Variants in CHRM3 observed in about 807,000 individuals in gnomAD.
CHRM3 encodes the protein cholinergic receptor muscarinic 3.
Under a neutral mutation model 41.8 loss-of-function variants are expected in CHRM3, and 11 were observed. The ratio of observed to expected loss-of-function variants is 0.26; its 90% CI spans 0.17 to 0.44. The LOEUF (loss-of-function observed/expected upper bound fraction) is 0.44. Ranked by LOEUF, CHRM3 falls within the 20% of genes least tolerant of loss-of-function variation. CHRM3 has a pLI of 1.00. For synonymous variants in CHRM3, 297 were observed against 301.4 expected (o/e 0.99, Z 0.15); for missense variants, 571 against 745.4 (o/e 0.77, Z 2.72).
intron 3 of CHRM3, among the ~76,000 whole-genome samples, chr1:239,566,315 C>T (rs553668075): frequency 2.0e-5 from 3 of 152,232 alleles, no homozygotes; most frequent in South Asian, 4.1e-4. Flanking sequence ...TCTGTTATTA[C>T]GTTAACCAGT....
intron 6 of CHRM3, among the ~76,000 whole-genome samples, chr1:239,890,121 G>C (rs1223996388): frequency 1.3e-5 from 2 of 152,066 alleles, no homozygotes; most frequent in Admixed American, 1.3e-4. Context: ...GACCAACATG[G>C]AGAAACCCCG....
At chr1:239,522,439 A>G (rs1173635425) in intron 2 of CHRM3, among the ~76,000 whole-genome samples, 1 of 152,250 alleles carries the variant, frequency 6.6e-6, no homozygotes. Context: ...CTACAACTGC[A>G]TGAAAGACCT....
At chr1:239,838,772 A>G (rs1673540949) in intron 6 of CHRM3, among the ~76,000 whole-genome samples, 2 of 152,312 alleles carry the variant, frequency 1.3e-5, no homozygotes, top group South Asian at 4.1e-4. Context: ...GTAAAATGTT[A>G]TGGACCCTTT....
At chr1:239,401,496 CT>C (rs1028998993) in intron 1 of CHRM3, among the ~76,000 whole-genome samples, 10 of 148,722 alleles carry the variant, frequency 6.7e-5, no homozygotes, top group South Asian at 4.3e-4. Flanking sequence ...CTCTTTTTTC[CT>C]TTTTTTTTTC....
chr1:239,772,154 T>TC (rs940063864), intron 5 of CHRM3, among the ~76,000 whole-genome samples: 90 of 152,234 alleles, frequency 5.9e-4, no homozygotes, highest in African/African-American at 2.1e-3. Flanking sequence ...TATATACTTT[T>TC]CTTTTTTTTT....
chr1:239,784,415 T>C (rs1160407852), intron 5 of CHRM3, among the ~76,000 whole-genome samples: 4 of 152,228 alleles, frequency 2.6e-5, no homozygotes, highest in Non-Finnish European at 1.5e-5. Flanking sequence ...TTTTCTATTT[T>C]TATTTTTTAG....
chr1:239,681,356 G>T (rs1367330356), intron 5 of CHRM3, among the ~76,000 whole-genome samples: 2 of 152,242 alleles, frequency 1.3e-5, no homozygotes, highest in Middle Eastern at 3.4e-3. Context: ...TTTTAATTGG[G>T]ATTTATAAAG....
At position 239,600,646 on chromosome 1, in the gene CHRM3, G is replaced by T. The variant is rs146051708; in HGVS notation, c.-312-31578G>T. Among the ~76,000 whole-genome samples the T allele has an allele frequency of 2.7e-3, 412 of 151,910 alleles. 2 individuals are homozygous for T. Among genetic ancestry groups the T allele is most frequent in the Non-Finnish European group, 4.4e-3 (301 of 67,920 alleles). ...TGCAACAACCTATAAATATATCAAA[G>T]AAGTATTTATCTCCCTCCTTCCCTC... On this transcript the variant is annotated intron_variant, in intron 3 of 6. Transcript: ENST00000676153.
intron 1 of CHRM3, among the ~76,000 whole-genome samples, chr1:239,431,153 A>C (rs1662803785): frequency 6.6e-6 from 1 of 152,154 alleles, no homozygotes; most frequent in Non-Finnish European, 1.5e-5. Context: ...TGAAATATTT[A>C]TAGGTACCTA....
intron 5 of CHRM3, among the ~76,000 whole-genome samples, chr1:239,808,920 G>A (rs1455731586): frequency 6.6e-6 from 1 of 151,946 alleles, no homozygotes; most frequent in Non-Finnish European, 1.5e-5. Context: ...TCCCACTTAA[G>A]CACTGCATGT....
Position 239,785,287 on chromosome 1 carries a change from G to T in CHRM3, c.-146-41965G>T, listed in dbSNP as rs145803586. On this transcript the variant is annotated intron_variant, in intron 5 of 6. Transcript: ENST00000676153. ...ATAAACTCTCTGTGATTTCATTGAG[G>T]AGTATTTGTATAGATCAGCTGAAAT... 5.0e-3 allele frequency among the ~76,000 whole-genome samples: 755 copies of T among 152,220 alleles called. 30 individuals are homozygous for T. In the South Asian group the frequency reaches 0.095, roughly 19 times the overall value.
intron 4 of CHRM3, among the ~76,000 whole-genome samples, chr1:239,640,671 T>C (rs977944569): frequency 1.1e-4 from 17 of 150,638 alleles, no homozygotes; most frequent in African/African-American, 3.9e-4. Flanking sequence ...TCTTTATTAG[T>C]CTTGCTAGCA....
At chr1:239,487,946 A>T (rs994719481) in intron 1 of CHRM3, among the ~76,000 whole-genome samples, 4 of 152,268 alleles carry the variant, frequency 2.6e-5, no homozygotes, top group Admixed American at 2.6e-4. Flanking sequence ...AAAATTAGGC[A>T]ATAAACAGTT....
In CHRM3 at chr1:239,581,501, A is replaced by T. The variant is rs760966859; in HGVS notation, c.-313+35752A>T. Among the ~76,000 whole-genome samples the T allele has an allele frequency of 4.4e-4, 67 of 152,104 alleles. 1 individual carries two copies. The highest frequency in any genetic ancestry group is 6.9e-4 in the Non-Finnish European group (47 of 67,988). On this transcript the variant is annotated intron_variant, in intron 3 of 6. Coordinates refer to ENST00000676153, the MANE Select transcript of CHRM3 (RefSeq NM_001375978.1). ...TGTATAAAATACTTACAAAGTTTGC[A>T]TTGGAAGACATCTATTATGAAGGAC...
chr1:239,711,888 G>A (rs1319216088), intron 5 of CHRM3, among the ~76,000 whole-genome samples: 1 of 151,970 alleles, frequency 6.6e-6, no homozygotes, highest in East Asian at 1.9e-4. Context: ...TAGAGATGAA[G>A]TCTCACTCTA....
At chr1:239,828,453 A>G (rs2149085543) in intron 6 of CHRM3, among the ~76,000 whole-genome samples, 2 of 152,228 alleles carry the variant, frequency 1.3e-5, no homozygotes, top group South Asian at 4.1e-4. Context: ...ATGAAGAAAA[A>G]TTATTACAAA....
intron 3 of CHRM3, among the ~76,000 whole-genome samples, chr1:239,582,076 T>C (rs1167447882): frequency 2.0e-5 from 3 of 152,318 alleles, no homozygotes; most frequent in Non-Finnish European, 2.9e-5. Flanking sequence ...ACTTTTAATT[T>C]CTTGTGAAAG....
intron 5 of CHRM3, among the ~76,000 whole-genome samples, chr1:239,774,897 T>C (rs948740593): frequency 6.6e-6 from 1 of 152,100 alleles, no homozygotes; most frequent in Non-Finnish European, 1.5e-5. Context: ...AGGGGAAAAA[T>C]GTGAGGGAAG....
At chr1:239,546,356 T>A (rs1454976391) in intron 3 of CHRM3, 1 of 152,142 alleles carries the variant, frequency 6.6e-6, no homozygotes, top group Non-Finnish European at 1.5e-5. Flanking sequence ...ACCTAGTTCA[T>A]AAGATTTCCT....
Sources: allele counts gnomAD v4.1 joint callset (sites outside exome capture counted in the v4.1 genomes callset), GRCh38; gene constraint gnomAD v4.1.1; transcripts MANE v1.5; gene names NCBI Gene and HGNC (gene_info 2026-07-23, HGNC 2026-07-21).